Variants in CEP95 observed in about 807,000 individuals in gnomAD.
CEP95 encodes the protein centrosomal protein of 95 kDa.
CEP95 carries 98 observed loss-of-function variants against 111.2 expected under a neutral mutation model. The observed-to-expected ratio is 0.88, with a 90% CI of 0.75 to 1.04. CEP95 has a LOEUF of 1.04. Among genes scored for constraint, CEP95 ranks in the 50% least tolerant of loss-of-function variants. The pLI, the probability that CEP95 is intolerant of heterozygous loss-of-function variation, is 0.00. For synonymous variants in CEP95, 323 were observed against 327.1 expected (o/e 0.99, Z 0.14); for missense variants, 1,027 against 977.2 (o/e 1.05, Z -0.68).
rs782088529 is a variant in CEP95 at position 64,519,455 on chromosome 17, A to G, written c.589+19A>G. 2 of 1,527,448 alleles carry G rather than the reference A, an allele frequency of 1.3e-6. No individual in the cohort carries two copies. Among genetic ancestry groups the G allele is most frequent in the Admixed American group, 1.7e-5 (1 of 59,572 alleles). 94.6% of individuals were successfully genotyped at this position (1,527,448 alleles called of 1,614,324 possible). A position where few individuals can be genotyped will look rare whatever the true frequency, so the allele number is the denominator to read the frequency against. ...AGTAATGGTGAGTAGTTAAACCTGAAGTATCAGTTATTATTCAACATACAA... is the reference window on the plus strand; with the variant it reads ...AGTAATGGTGAGTAGTTAAACCTGAGGTATCAGTTATTATTCAACATACAA... On this transcript the variant is annotated intron_variant, in intron 6 of 19. Coordinates refer to ENST00000556440, the MANE Select transcript of CEP95 (RefSeq NM_138363.3).
intron 13 of CEP95, 90 bp from the exon 14 acceptor site, chr17:64,531,800 G>C: frequency 1.1e-6 from 1 of 940,564 alleles, no homozygotes; most frequent in Non-Finnish European, 1.5e-6. Flanking sequence ...ACTACCGTTA[G>C]CTGTTTTTGT....
At chr17:64,531,275 A>G (rs1212737109) in intron 13 of CEP95, among the ~76,000 whole-genome samples, 1 of 152,166 alleles carries the variant, frequency 6.6e-6, no homozygotes, top group Non-Finnish European at 1.5e-5. Flanking sequence ...TTAAGGGTTT[A>G]TTTGACTTAG....
At chr17:64,522,119 G>C (rs1373505797) in intron 7 of CEP95, among the ~76,000 whole-genome samples, 8 of 152,080 alleles carry the variant, frequency 5.3e-5, no homozygotes, top group African/African-American at 1.9e-4. Context: ...CCAAATTGCT[G>C]AGATTACAAG....
At chr17:64,527,641 T>C (rs1967927089) in intron 11 of CEP95, among the ~76,000 whole-genome samples, 1 of 152,184 alleles carries the variant, frequency 6.6e-6, no homozygotes. Flanking sequence ...TTTAAAAATT[T>C]ACATACTGTA....
At position 64,519,377 on chromosome 17, in the gene CEP95, C is replaced by T; in HGVS notation, c.530C>T (p.Ser177Phe). The T allele has an allele frequency of 6.8e-6, 11 of 1,613,786 alleles. No individual in the cohort carries two copies. The highest frequency in any genetic ancestry group is 9.3e-6 in the Non-Finnish European group (11 of 1,179,740). Residue 177 changes from serine to phenylalanine, a missense_variant, in exon 6 of 20, where the codon TCC (serine) becomes TTC (phenylalanine). Physicochemically the swap from Ser to Phe is radical, Grantham distance 155. Transcript: ENST00000556440. Reference sequence around the variant, plus strand: ...TCTTGGGATGGAGATGAAGCAGAATCCACTGGTGAAATCATTAGACTTGGA... The same window carrying T: ...TCTTGGGATGGAGATGAAGCAGAATTCACTGGTGAAATCATTAGACTTGGA... Reference protein sequence around the residue: ...GPSWDGDEAESTGEIIRLGDT... With the variant: ...GPSWDGDEAEFTGEIIRLGDT...
At chr17:64,524,436 A>ATACT (rs1967633002) in intron 8 of CEP95, among the ~76,000 whole-genome samples, 1 of 151,964 alleles carries the variant, frequency 6.6e-6, no homozygotes, top group South Asian at 2.1e-4. Flanking sequence ...CCTCCCAAGT[A>ATACT]GCTGGGACTA....
Position 64,522,828 on chromosome 17 carries a change from A to G in CEP95, c.842A>G (p.Glu281Gly). Residue 281 changes from glutamate (E) to glycine (G), a missense_variant, in exon 8 of 20, where the codon GAA (glutamate) becomes GGA (glycine). Glu to Gly is a moderately conservative substitution (Grantham distance 98). Transcript: ENST00000556440. ...CGAGCACCCTGCCCCATAGGAAAAG[A>G]ATACTTGCATTCAAGTCACTGCTCC... ...EPRAPCPIGK[E>G]YLHSSHCSPA... 6.2e-7 allele frequency: 1 copy of G among 1,613,794 alleles called. No individual in the cohort carries two copies. Among genetic ancestry groups the G allele is most frequent in the Non-Finnish European group, 8.5e-7 (1 of 1,179,868 alleles).
chr17:64,521,059 A>G lies in CEP95; in HGVS notation c.590-343A>G, dbSNP rs545028145. On this transcript the variant is annotated intron_variant, in intron 6 of 19. Transcript: ENST00000556440. ...GGAGTTCGAGACCAGCCTGGCCAAC[A>G]TAGTGAAACCCTGTCACAATACAAA... is the stretch of plus-strand genomic sequence containing the variant. Among the ~76,000 whole-genome samples, 7 of 152,250 alleles carry G rather than the reference A, an allele frequency of 4.6e-5. No homozygotes were observed. The South Asian group carries it at 1.5e-3, about 32-fold the overall frequency.
intron 12 of CEP95, 23 bp downstream of exon 12, chr17:64,529,450 C>CGTAG: frequency 6.2e-7 from 1 of 1,611,520 alleles, no homozygotes; most frequent in African/African-American, 1.3e-5. Context: ...CTCTTGACTA[C>CGTAG]CATTAAGCAG....
chr17:64,530,974 G>C lies in CEP95; in HGVS notation c.1495G>C (p.Glu499Gln). The C allele has an allele frequency of 6.4e-7, 1 of 1,560,776 alleles. No homozygotes were observed. The highest frequency in any genetic ancestry group is 8.7e-7 in the Non-Finnish European group (1 of 1,151,324). Reference sequence around the variant, plus strand: ...GGAACTAAGAAGACATAAAGTTCAAGAGAATATTGGACCTCTAAGAATACA... The same window carrying C: ...GGAACTAAGAAGACATAAAGTTCAACAGAATATTGGACCTCTAAGAATACA... ...ERELRRHKVQ[E>Q]NIGPLRIHEK... The change falls in exon 13 of 20, where the codon GAG becomes CAG. Residue 499 changes from glutamate to glutamine, a missense_variant. Transcript: ENST00000556440.
At position 64,537,736 on chromosome 17, in the gene CEP95, T is replaced by G; in HGVS notation, c.2423T>G (p.Leu808Arg). ...GAAGCTGAGCGCTTCAGATCTCGGC[T>G]TCAGCTGGCTTCCTTTCAGTACAGT... Reference protein sequence around the residue: ...ELEAERFRSRLQLASFQYSKS... With the variant: ...ELEAERFRSRRQLASFQYSKS... Residue 808 changes from leucine to arginine, a missense_variant, in exon 20 of 20, where the codon CTT (leucine) becomes CGT (arginine). Leu to Arg is a moderately radical substitution (Grantham distance 102). Coordinates refer to ENST00000556440, the MANE Select transcript of CEP95 (RefSeq NM_138363.3). 1 of 1,610,128 alleles carries G rather than the reference T, an allele frequency of 6.2e-7. No individual in the cohort carries two copies. Among genetic ancestry groups the G allele is most frequent in the Non-Finnish European group, 8.5e-7 (1 of 1,178,124 alleles).
chr17:64,530,273 C>T (rs1362565279), intron 12 of CEP95, among the ~76,000 whole-genome samples: 1 of 152,086 alleles, frequency 6.6e-6, no homozygotes, highest in Non-Finnish European at 1.5e-5. Context: ...GTAGTCCCAG[C>T]TACTCAGGAG....
intron 19 of CEP95, chr17:64,537,323 T>G: frequency 2.8e-6 from 4 of 1,406,216 alleles, no homozygotes; most frequent in Non-Finnish European, 3.7e-6. Flanking sequence ...ATCTCCATCA[T>G]TAAGTGACAC....
chr17:64,529,398 G>GA lies in CEP95; in HGVS notation c.1420dup (p.Thr474AsnfsTer13). The GA allele has an allele frequency of 6.2e-7, 1 of 1,613,800 alleles. No individual in the cohort carries two copies. The highest frequency in any genetic ancestry group is 8.5e-7 in the Non-Finnish European group (1 of 1,179,784). On this transcript the variant is annotated frameshift_variant, in exon 12 of 20. Transcript: ENST00000556440. LOFTEE classifies it high-confidence loss of function. ...GAGAAAAAGGCAGCGCAAGCCAAGA[G>GA]AAACAGATGTCCGCCAATTCCAAGC...
At chr17:64,513,741 T>C (rs1275111681) in intron 3 of CEP95, among the ~76,000 whole-genome samples, 1 of 152,180 alleles carries the variant, frequency 6.6e-6, no homozygotes, top group East Asian at 1.9e-4. Flanking sequence ...GAATTTCTGA[T>C]GAAAGTATCC....
chr17:64,525,924 A>G, intron 9 of CEP95, 42 bp downstream of exon 9: 2 of 1,500,074 alleles, frequency 1.3e-6, no homozygotes, highest in South Asian at 2.6e-5. Flanking sequence ...TCTGTTTACA[A>G]AGGAATTTGA....
chr17:64,510,264 C>A lies in CEP95; in HGVS notation c.240C>A (p.Ser80Arg). ...DSLALDYLQV[S>R]LSHITGENIV... is the part of the protein sequence containing the mutation. ...TGGCCTTGGACTACTTGCAGGTCAG[C>A]TTGTCTCACATAACAGGTTGGTATA... is the stretch of plus-strand genomic sequence containing the variant. Residue 80 changes from serine (S) to arginine (R), a missense_variant, in exon 3 of 20, where the codon AGC becomes AGA. Coordinates refer to ENST00000556440, the MANE Select transcript of CEP95 (RefSeq NM_138363.3). 1.2e-6 allele frequency: 2 copies of A among 1,600,540 alleles called. No homozygotes were observed. The highest frequency in any genetic ancestry group is 1.7e-6 in the Non-Finnish European group (2 of 1,169,136).
In CEP95 at chr17:64,537,938, T is replaced by C; in HGVS notation, c.*159T>C. Reference sequence around the variant, plus strand: ...TTATGATTTTTTAAATAAAAATTGTTTTCTAAAAGCTTATTGCTTTTGAAT... The same window carrying C: ...TTATGATTTTTTAAATAAAAATTGTCTTCTAAAAGCTTATTGCTTTTGAAT... On this transcript the variant is annotated 3_prime_UTR_variant, in exon 20 of 20. Transcript: ENST00000556440. The C allele has an allele frequency of 4.6e-6, 2 of 435,854 alleles. No individual in the cohort carries two copies. Among genetic ancestry groups the C allele is most frequent in the Non-Finnish European group, 7.8e-6 (2 of 257,676 alleles). The allele number at this position is 435,854 out of a possible 1,614,324, so 27.0% of individuals were successfully genotyped here.
At chr17:64,507,423 T>A (rs2038613968) in intron 1 of CEP95, 6 of 1,357,650 alleles carry the variant, frequency 4.4e-6, no homozygotes, top group African/African-American at 3.0e-5. Context: ...CTGTGGGGCG[T>A]CTAGCCGCTG....
Sources: allele counts gnomAD v4.1 joint callset (sites outside exome capture counted in the v4.1 genomes callset), GRCh38; gene constraint gnomAD v4.1.1; transcripts MANE v1.5; gene names NCBI Gene and HGNC (gene_info 2026-07-23, HGNC 2026-07-21).